The following CCND3 variants were observed in gnomAD, a reference collection of about 807,000 sequenced individuals.
CCND3 encodes the protein G1/S-specific cyclin-D3.
A neutral mutation model predicts 28.7 loss-of-function variants in CCND3; 9 were observed. That is an observed-to-expected ratio of 0.31 (90% confidence interval 0.19 to 0.55). CCND3 has a LOEUF of 0.55. Among genes scored for constraint, CCND3 ranks in the 20% least tolerant of loss-of-function variants. The pLI is 0.93. For missense variants in CCND3, 315 were observed against 385.8 expected (o/e 0.82, Z 1.54); for synonymous variants, 164 against 163.9 (o/e 1.00, Z 0.00).
At chr6:41,951,750 A>C (rs1367796677) in intron 1 of CCND3, among the ~76,000 whole-genome samples, 1 of 151,318 alleles carries the variant, frequency 6.6e-6, no homozygotes, top group African/African-American at 2.4e-5. Context: ...AATAGATCCC[A>C]CTTATTTTTT....
At chr6:41,986,698 G>A (rs1762488682) in intron 1 of CCND3, among the ~76,000 whole-genome samples, 1 of 151,816 alleles carries the variant, frequency 6.6e-6, no homozygotes, top group South Asian at 2.1e-4. Context: ...TTTAATATAC[G>A]ATCATGTCAT....
intron 1 of CCND3, among the ~76,000 whole-genome samples, chr6:42,002,114 T>TA (rs55946125): frequency 0.94 from 133,482 of 142,672 alleles, 62,840 homozygotes; most frequent in East Asian, 0.99. Context: ...AAACTTTCTT[T>TA]AAAAAAAAAA....
intron 1 of CCND3, among the ~76,000 whole-genome samples, chr6:42,020,210 A>G (rs529097607): frequency 1.3e-5 from 2 of 152,244 alleles, no homozygotes; most frequent in East Asian, 3.9e-4. Flanking sequence ...ACCCAGGAGG[A>G]GGTGGAGCTT....
intron 1 of CCND3, among the ~76,000 whole-genome samples, chr6:41,971,886 G>A (rs907682645): frequency 1.3e-5 from 2 of 150,314 alleles, no homozygotes; most frequent in African/African-American, 4.9e-5. Flanking sequence ...TTTACTTGTC[G>A]TATCTCCTTA....
At chr6:41,962,244 G>T (rs929842629) in intron 1 of CCND3, among the ~76,000 whole-genome samples, 1 of 152,118 alleles carries the variant, frequency 6.6e-6, no homozygotes, top group African/African-American at 2.4e-5. Flanking sequence ...GGGATTACAG[G>T]TGCGTGCCAC....
chr6:41,942,614 G>T (rs1776067611), upstream of CCND3, among the ~76,000 whole-genome samples: 1 of 152,084 alleles, frequency 6.6e-6, no homozygotes, highest in Non-Finnish European at 1.5e-5. Context: ...GAGAAACTGT[G>T]GACGGAGAAA....
At chr6:42,023,477 A>G (rs1277149957) in intron 1 of CCND3, among the ~76,000 whole-genome samples, 1 of 152,206 alleles carries the variant, frequency 6.6e-6, no homozygotes, top group Non-Finnish European at 1.5e-5. Context: ...TTATGTATTG[A>G]TTAGTTGATG....
intron 1 of CCND3, among the ~76,000 whole-genome samples, chr6:42,004,461 G>C (rs1272312539): frequency 6.6e-6 from 1 of 152,160 alleles, no homozygotes; most frequent in Non-Finnish European, 1.5e-5. Flanking sequence ...GGCTGGGCAT[G>C]GTGGCTCATG....
chr6:42,029,415 T>C (rs1293179465), intron 1 of CCND3, among the ~76,000 whole-genome samples: 2 of 152,112 alleles, frequency 1.3e-5, no homozygotes, highest in African/African-American at 4.8e-5. Context: ...ACCTGTCCAG[T>C]AGTTTGTTAA....
intron 1 of CCND3, among the ~76,000 whole-genome samples, chr6:41,966,821 C>T (rs1420418619): frequency 1.3e-5 from 2 of 152,126 alleles, no homozygotes; most frequent in African/African-American, 4.8e-5. Flanking sequence ...TTAATTTATT[C>T]ACTCATTTGC....
chr6:42,036,355 C>T (rs1021005952), intron 1 of CCND3, among the ~76,000 whole-genome samples: 3 of 127,398 alleles, frequency 2.4e-5, no homozygotes, highest in Non-Finnish European at 4.8e-5. Flanking sequence ...GCTCTTGTTG[C>T]CCAGGCTGGA....
intron 1 of CCND3, among the ~76,000 whole-genome samples, chr6:42,046,155 C>A (rs919213620): frequency 1.3e-5 from 2 of 152,186 alleles, no homozygotes; most frequent in African/African-American, 2.4e-5. Flanking sequence ...CAGAGAGGGA[C>A]CGCCTCAAGG....
intron 1 of CCND3, 164 bp from the exon 2 acceptor site, chr6:41,940,749 A>T (rs1022850599): frequency 8.0e-6 from 6 of 752,632 alleles, no homozygotes; most frequent in Non-Finnish European, 1.4e-5. Flanking sequence ...GCCCTCCCCA[A>T]GGTGACGCCC....
rs138218980 is a variant in CCND3 at position 42,040,299 on chromosome 6, T to C, written c.-46+8202A>G. Among the ~76,000 whole-genome samples the C allele has an allele frequency of 6.7e-3, 1,025 of 152,182 alleles. 26 individuals are homozygous for C. Among genetic ancestry groups the C allele is most frequent in the East Asian group, 0.05 (259 of 5,176 alleles). On this transcript the variant is annotated intron_variant, in intron 1 of 4. Coordinates refer to the CCND3 transcript ENST00000372988. ...TGGGCATGGTGGTGGGAGCCTGTAA[T>C]CCCAGCTACTTAGGAGGCTGAGGTA... is the stretch of plus-strand genomic sequence containing the variant.
rs552251649 is a variant in CCND3 at position 42,023,572 on chromosome 6, C to T, written c.-46+24929G>A. On this transcript the variant is annotated intron_variant, in intron 1 of 4. Transcript: ENST00000372988. ...GGCCAGTGTTCACCAGTTTGGTGTT[C>T]GTGGTGACTGTACAGAATATAACTG... is the stretch of plus-strand genomic sequence containing the variant. 3.9e-5 allele frequency among the ~76,000 whole-genome samples: 6 copies of T among 152,220 alleles called. No homozygotes were observed. In the East Asian group the frequency reaches 7.7e-4, roughly 20 times the overall value.
intron 1 of CCND3, among the ~76,000 whole-genome samples, chr6:41,956,992 C>T (rs1243874799): frequency 1.3e-5 from 2 of 152,210 alleles, no homozygotes; most frequent in African/African-American, 4.8e-5. Context: ...GATCGCACCA[C>T]TGCACTCCAG....
chr6:42,049,812 C>G (rs188898350), upstream of CCND3: 1 of 152,220 alleles, frequency 6.6e-6, no homozygotes, highest in Non-Finnish European at 1.5e-5. Flanking sequence ...CAACATTACT[C>G]GCTCAGAAGA....
chr6:42,008,755 G>C (rs1763251347), intron 1 of CCND3, among the ~76,000 whole-genome samples: 1 of 152,140 alleles, frequency 6.6e-6, no homozygotes, highest in African/African-American at 2.4e-5. Context: ...TTTTACAGAA[G>C]CAGGAACATT....
chr6:41,964,245 A>C (rs1315526971), intron 1 of CCND3, among the ~76,000 whole-genome samples: 1 of 152,062 alleles, frequency 6.6e-6, no homozygotes, highest in Non-Finnish European at 1.5e-5. Context: ...GAAAGACAGA[A>C]GCTTCAGGAG....
Sources: gnomAD v4.1 joint callset for allele counts (sites outside exome capture counted in the v4.1 genomes callset) on GRCh38, gnomAD v4.1.1 for gene constraint, MANE v1.5 for transcripts, NCBI Gene and HGNC (gene_info 2026-07-23, HGNC 2026-07-21) for gene names.